Variants in PCSK2 observed in about 807,000 individuals in gnomAD.
PCSK2 encodes neuroendocrine convertase 2.
Under a neutral mutation model 69.7 loss-of-function variants are expected in PCSK2, and 14 were observed. The ratio of observed to expected loss-of-function variants is 0.20; its 90% confidence interval spans 0.13 to 0.31. PCSK2 has a LOEUF of 0.31. PCSK2 is among the 10% of genes least tolerant of loss of function. The probability of loss-of-function intolerance (pLI) is 1.00; values close to 1 mark genes in which losing one functional copy is unlikely to be tolerated. For missense variants in PCSK2, 544 were observed against 842.5 expected (o/e 0.65, Z 4.39); for synonymous variants, 307 against 320.7 (o/e 0.96, Z 0.46).
chr20:17,442,752 A>G (rs1022733557), intron 8 of PCSK2, among the ~76,000 whole-genome samples: 1 of 152,208 alleles, frequency 6.6e-6, no homozygotes, highest in African/African-American at 2.4e-5. Flanking sequence ...CAACATGGAA[A>G]TTGACGAACA....
intron 1 of PCSK2, among the ~76,000 whole-genome samples, chr20:17,241,182 A>G (rs1392029368): frequency 6.6e-6 from 1 of 152,242 alleles, no homozygotes; most frequent in Non-Finnish European, 1.5e-5. Context: ...ACATTGAGGT[A>G]AATTTACAAT....
chr20:17,413,174 C>T (rs1488189200), intron 6 of PCSK2, among the ~76,000 whole-genome samples: 1 of 152,184 alleles, frequency 6.6e-6, no homozygotes, highest in African/African-American at 2.4e-5. Context: ...CAAATTCACA[C>T]ATAACAATAT....
At chr20:17,469,824 C>CT (rs1328498563) in intron 11 of PCSK2, among the ~76,000 whole-genome samples, 1 of 151,740 alleles carries the variant, frequency 6.6e-6, no homozygotes, top group Non-Finnish European at 1.5e-5. Flanking sequence ...TCACTTTGAC[C>CT]CCTCACGGTG....
At chr20:17,359,440 A>T (rs1461559382) in intron 3 of PCSK2, among the ~76,000 whole-genome samples, 5 of 152,218 alleles carry the variant, frequency 3.3e-5, no homozygotes, top group Non-Finnish European at 7.3e-5. Context: ...CTAATGCTTC[A>T]TAATTGCTCA....
At chr20:17,373,797 A>C (rs2030846423) in intron 5 of PCSK2, among the ~76,000 whole-genome samples, 2 of 152,242 alleles carry the variant, frequency 1.3e-5, no homozygotes, top group African/African-American at 4.8e-5. Context: ...AAATACTTGG[A>C]AAATTGCAAA....
At chr20:17,374,967 A>C (rs1175978735) in intron 5 of PCSK2, among the ~76,000 whole-genome samples, 1 of 151,978 alleles carries the variant, frequency 6.6e-6, no homozygotes, top group Non-Finnish European at 1.5e-5. Flanking sequence ...AGCTGAGATG[A>C]CTCCTGGCTC....
At chr20:17,407,773 G>A (rs182982562) in intron 5 of PCSK2, among the ~76,000 whole-genome samples, 10 of 152,216 alleles carry the variant, frequency 6.6e-5, no homozygotes, top group Middle Eastern at 3.4e-3. Flanking sequence ...CAGTGGAGAC[G>A]AGAAGACTTC....
intron 6 of PCSK2, among the ~76,000 whole-genome samples, chr20:17,428,906 A>G (rs1233791448): frequency 6.8e-6 from 1 of 146,584 alleles, no homozygotes; most frequent in Admixed American, 6.9e-5. Flanking sequence ...GGCTGAGGCA[A>G]GAGAATCACC....
At chr20:17,434,880 A>G (rs1196475359) in intron 7 of PCSK2, among the ~76,000 whole-genome samples, 2 of 152,352 alleles carry the variant, frequency 1.3e-5, no homozygotes, top group East Asian at 3.9e-4. Flanking sequence ...TGCACTGACC[A>G]GTTTATTCTG....
chr20:17,421,238 C>T (rs1430989624), intron 6 of PCSK2, among the ~76,000 whole-genome samples: 2 of 152,162 alleles, frequency 1.3e-5, no homozygotes, highest in East Asian at 3.8e-4. Context: ...TAGCATCTGG[C>T]CTCAGAAAGA....
At chr20:17,250,716 C>G (rs941801564) in intron 1 of PCSK2, among the ~76,000 whole-genome samples, 46 of 152,194 alleles carry the variant, frequency 3.0e-4, no homozygotes, top group African/African-American at 1.1e-3. Context: ...TTTAAAAAAA[C>G]ACTAAAACAA....
intron 5 of PCSK2, among the ~76,000 whole-genome samples, chr20:17,383,374 C>A (rs779252527): frequency 2.0e-5 from 3 of 152,196 alleles, no homozygotes; most frequent in Non-Finnish European, 2.9e-5. Flanking sequence ...TTCAGTACTT[C>A]TTTAGTAACT....
At chr20:17,241,042 G>C (rs76804402) in intron 1 of PCSK2, among the ~76,000 whole-genome samples, 5,588 of 152,252 alleles carry the variant, frequency 0.037, 338 homozygotes, top group African/African-American at 0.13. Flanking sequence ...ATCAGTTCGC[G>C]CTGATTACAG....
chr20:17,435,187 T>C (rs1321642984), intron 7 of PCSK2, among the ~76,000 whole-genome samples: 1 of 152,194 alleles, frequency 6.6e-6, no homozygotes, highest in Non-Finnish European at 1.5e-5. Flanking sequence ...CTGTTATTTG[T>C]GTTGGGGAGA....
intron 4 of PCSK2, among the ~76,000 whole-genome samples, chr20:17,364,007 A>G (rs6044757): frequency 0.22 from 34,120 of 152,084 alleles, 4,022 homozygotes; most frequent in Non-Finnish European, 0.27. Flanking sequence ...AGCCTCATTC[A>G]AAATAGCATT....
At chr20:17,333,172 T>A (rs1184785123) in intron 2 of PCSK2, among the ~76,000 whole-genome samples, 1 of 152,194 alleles carries the variant, frequency 6.6e-6, no homozygotes. Flanking sequence ...TTTGCAACTT[T>A]CAAACAGTTC....
intron 7 of PCSK2, among the ~76,000 whole-genome samples, chr20:17,433,065 G>A (rs576563861): frequency 5.1e-4 from 78 of 152,338 alleles, no homozygotes; most frequent in African/African-American, 1.6e-3. Context: ...GCCAGGCCAG[G>A]TGGGTTTGGT....
intron 11 of PCSK2, chr20:17,479,462 T>C: frequency 1.9e-6 from 1 of 523,500 alleles, no homozygotes; most frequent in Admixed American, 3.0e-5. Context: ...GGGGCGGAGC[T>C]ACGCCTGTGC....
At chr20:17,226,797 TCGCTGCGCTG>T (rs564278605), upstream of PCSK2, among the ~76,000 whole-genome samples, 92 of 136,464 alleles carry the variant, frequency 6.7e-4, no homozygotes, top group Middle Eastern at 4.8e-3. Flanking sequence ...GGGCGCGGGC[TCGCTGCGCTG>T]CGCTGCGCTG....
Sources: gnomAD v4.1 joint callset for allele counts (sites outside exome capture counted in the v4.1 genomes callset) on GRCh38, gnomAD v4.1.1 for gene constraint, MANE v1.5 for transcripts, NCBI Gene and HGNC (gene_info 2026-07-23, HGNC 2026-07-21) for gene names.